The following DDRGK1 variants were observed in gnomAD, a reference collection of about 807,000 sequenced individuals.
DDRGK1 encodes DDRGK domain-containing protein 1.
Under a neutral mutation model 45.8 loss-of-function variants are expected in DDRGK1, and 38 were observed. The observed-to-expected ratio is 0.83, with a 90% CI of 0.64 to 1.09. The LOEUF (loss-of-function observed/expected upper bound fraction) is 1.09. DDRGK1 is among the 50% of genes least tolerant of loss of function. The pLI is 0.00. For synonymous variants in DDRGK1, 171 were observed against 168.7 expected (o/e 1.01, Z -0.11); for missense variants, 403 against 419.9 (o/e 0.96, Z 0.35).
intron 2 of DDRGK1, among the ~76,000 whole-genome samples, 162 bp from the exon 3 acceptor site, chr20:3,200,616 C>T (rs73573863): frequency 0.15 from 23,331 of 151,942 alleles, 2,025 homozygotes; most frequent in South Asian, 0.34. Context: ...GCCATGAGTG[C>T]GTGTGTGTGT....
chr20:3,204,352 G>C (rs1168508200), intron 1 of DDRGK1, among the ~76,000 whole-genome samples, 185 bp downstream of exon 1: 1 of 152,140 alleles, frequency 6.6e-6, no homozygotes, highest in African/African-American at 2.4e-5. Flanking sequence ...AGGGGTAGCG[G>C]CGCGGCCACC....
intron 4 of DDRGK1, among the ~76,000 whole-genome samples, chr20:3,199,200 A>G (rs2067025242): frequency 6.6e-6 from 1 of 152,190 alleles, no homozygotes; most frequent in Admixed American, 6.5e-5. Context: ...AGTTTAGTTA[A>G]CAATAATGTG....
chr20:3,193,895 A>G (rs1303266219), intron 6 of DDRGK1, among the ~76,000 whole-genome samples: 7 of 152,126 alleles, frequency 4.6e-5, no homozygotes, highest in Admixed American at 1.3e-4. Flanking sequence ...AGGTGGGGAC[A>G]AGTTCCAAAC....
At chr20:3,193,695 A>G (rs2122230371) in intron 6 of DDRGK1, among the ~76,000 whole-genome samples, 1 of 152,212 alleles carries the variant, frequency 6.6e-6, no homozygotes, top group Non-Finnish European at 1.5e-5. Context: ...TCTAAGCTCC[A>G]AAAGAGTTTG....
At chr20:3,202,249 C>G (rs919171569) in intron 2 of DDRGK1, among the ~76,000 whole-genome samples, 2 of 152,204 alleles carry the variant, frequency 1.3e-5, no homozygotes, top group Admixed American at 1.3e-4. Context: ...CCACCACGCC[C>G]GGCCCAGAGA....
In DDRGK1 at chr20:3,195,231, C is replaced by T; in HGVS notation, c.633G>A (p.Gln211=). Residue 211 remains glutamine, a splice_region_variant and synonymous_variant, in exon 5 of 9, where the codon CAG becomes CAA. Transcript: ENST00000354488. ...GGCTTCCCAGGGGCAGCAGGCCCAC[C>T]TGTTCCTCAGTCATGGTCTCTCCTA... ...EGVGETMTEE[Q]SQSFLTEFIN... is the part of the protein sequence containing the mutation. The T allele has an allele frequency of 1.2e-6, 2 of 1,614,070 alleles. No individual in the cohort carries two copies. The highest frequency in any genetic ancestry group is 1.3e-5 in the African/African-American group (1 of 75,034).
At chr20:3,191,972 G>GAC (rs150309651) in intron 6 of DDRGK1, 151 bp from the exon 7 acceptor site, 36,156 of 549,154 alleles carry the variant, frequency 0.066, 755 homozygotes, top group African/African-American at 0.2. Flanking sequence ...TTGCTCCCCT[G>GAC]ACACACACAC....
At position 3,190,682 on chromosome 20, in the gene DDRGK1, G is replaced by A. The variant is rs369346620; in HGVS notation, c.916C>T (p.Arg306Trp). The change falls in exon 9 of 9, where the codon CGG (arginine) becomes TGG (tryptophan). Residue 306 changes from arginine (R) to tryptophan (W), a missense_variant. Physicochemically the swap from Arg to Trp is moderately radical, Grantham distance 101. Coordinates refer to ENST00000354488, the MANE Select transcript of DDRGK1 (RefSeq NM_023935.3). The stretch of plus-strand genomic sequence containing the variant: ...GCTGGGGCTTGGGCAGGGGACTCCC[G>A]GCCCCAGGCGATGAGGGAGTTGCTG... ...QASNSLIAWG[R>W]ESPAQAPA is the part of the protein sequence containing the mutation. The A allele has an allele frequency of 3.3e-5, 53 of 1,613,818 alleles. No homozygotes were observed. The highest frequency in any genetic ancestry group is 4.3e-5 in the Non-Finnish European group (51 of 1,179,954).
chr20:3,200,599 G>T, intron 2 of DDRGK1, 145 bp from the exon 3 acceptor site: 1 of 690,518 alleles, frequency 1.4e-6, no homozygotes, highest in Non-Finnish European at 2.5e-6. Context: ...GCCCTCCAGA[G>T]GCATCTGCCA....
At chr20:3,197,939 A>G (rs936851830) in intron 4 of DDRGK1, among the ~76,000 whole-genome samples, 8 of 148,686 alleles carry the variant, frequency 5.4e-5, no homozygotes, top group African/African-American at 2.0e-4. Flanking sequence ...AAAAAAAAAA[A>G]GGTTAAGATC....
intron 2 of DDRGK1, 43 bp downstream of exon 2, chr20:3,203,170 C>T (rs765335533): frequency 6.7e-7 from 1 of 1,483,636 alleles, no homozygotes; most frequent in South Asian, 1.4e-5. Context: ...TTATCCCCCC[C>T]TCCAACCCAA....
chr20:3,200,506 G>A lies in DDRGK1; in HGVS notation c.296-52C>T, dbSNP rs2067032040. ...CAGGTTCTGACCAGAGAGGACTGAT[G>A]ACGATGGATCCCCAACCCCTCGTCC... On this transcript the variant is annotated intron_variant, in intron 2 of 8. Coordinates refer to ENST00000354488, the MANE Select transcript of DDRGK1 (RefSeq NM_023935.3). 6 of 1,501,564 alleles carry A rather than the reference G, an allele frequency of 4.0e-6. No individual in the cohort carries two copies. The East Asian group carries it at 9.8e-5, about 25-fold the overall frequency. 93.0% of individuals were successfully genotyped at this position (1,501,564 alleles called of 1,614,324 possible).
intron 6 of DDRGK1, among the ~76,000 whole-genome samples, chr20:3,193,204 A>G (rs1302270321): frequency 6.6e-6 from 1 of 152,178 alleles, no homozygotes; most frequent in Non-Finnish European, 1.5e-5. Context: ...CACCTCTCAT[A>G]AACGATGCTG....
At chr20:3,198,100 T>TAAAA (rs34302663) in intron 4 of DDRGK1, among the ~76,000 whole-genome samples, 8 of 53,058 alleles carry the variant, frequency 1.5e-4, no homozygotes, top group African/African-American at 2.3e-4. Flanking sequence ...CCATCTCTCT[T>TAAAA]AAAAAAAAAA....
Position 3,190,611 on chromosome 20 carries a change from G to C in DDRGK1, c.*42C>G, listed in dbSNP as rs1359604173. 20 of 1,607,736 alleles carry C rather than the reference G, an allele frequency of 1.2e-5. No homozygotes were observed. Among genetic ancestry groups the C allele is most frequent in the Non-Finnish European group, 1.7e-5 (20 of 1,176,810 alleles). ...GGGAGGGATGAAGATGTATAGCCAGGTAGGCCACACCAACTCTGAGTCCAA... is the reference window on the plus strand; with the variant it reads ...GGGAGGGATGAAGATGTATAGCCAGCTAGGCCACACCAACTCTGAGTCCAA... On this transcript the variant is annotated 3_prime_UTR_variant, in exon 9 of 9. Coordinates refer to ENST00000354488, the MANE Select transcript of DDRGK1 (RefSeq NM_023935.3).
At chr20:3,201,575 A>G (rs557563513) in intron 2 of DDRGK1, among the ~76,000 whole-genome samples, 74 of 152,130 alleles carry the variant, frequency 4.9e-4, no homozygotes, top group African/African-American at 1.6e-3. Flanking sequence ...GGTCACAGAT[A>G]GCGCTGCCTG....
At chr20:3,199,391 C>T (rs1390663061) in intron 4 of DDRGK1, among the ~76,000 whole-genome samples, 1 of 152,208 alleles carries the variant, frequency 6.6e-6, no homozygotes. Context: ...TCAGCCACAG[C>T]ACCCACATCC....
intron 7 of DDRGK1, 114 bp downstream of exon 7, chr20:3,191,651 T>C (rs1219481840): frequency 1.6e-6 from 2 of 1,229,296 alleles, no homozygotes; most frequent in Admixed American, 4.0e-5. Flanking sequence ...TACTCACTCT[T>C]GGTTGGGGAC....
intron 5 of DDRGK1, 105 bp from the exon 6 acceptor site, chr20:3,194,973 A>T: frequency 6.7e-7 from 1 of 1,493,112 alleles, no homozygotes; most frequent in Non-Finnish European, 9.2e-7. Flanking sequence ...ACCTGCCTGC[A>T]GCCTGCCTTT....
Sources: allele counts gnomAD v4.1 joint callset (sites outside exome capture counted in the v4.1 genomes callset), GRCh38; gene constraint gnomAD v4.1.1; transcripts MANE v1.5; gene names NCBI Gene and HGNC (gene_info 2026-07-23, HGNC 2026-07-21).